Variants in TAF7L observed in about 807,000 individuals in gnomAD.
The protein encoded by TAF7L is TATA-box binding protein associated factor 7 like, also known as transcription initiation factor TFIID subunit 7-like.
A neutral mutation model predicts 30.2 loss-of-function variants in TAF7L; 6 were observed. The observed-to-expected ratio is 0.20, with a 90% CI of 0.11 to 0.39. The LOEUF is 0.39. Among genes scored for constraint, TAF7L ranks in the 10% least tolerant of loss-of-function variants. The pLI, the probability that TAF7L is intolerant of heterozygous loss-of-function variation, is 1.00. For synonymous variants in TAF7L, 93 were observed against 94.5 expected, an observed-to-expected ratio of 0.98 and a Z score of 0.09; for missense variants, 284 against 277.1, an observed-to-expected ratio of 1.03 and a Z score of -0.18.
chrX:101,281,607 T>C (rs907678088), intron 6 of TAF7L, 113 bp downstream of exon 6: 26 of 714,096 alleles, frequency 3.6e-5, no homozygotes, highest in East Asian at 3.2e-4. Context: ...TAAATGTTTA[T>C]TGAACATATA....
intron 5 of TAF7L, among the ~76,000 whole-genome samples, 164 bp from the exon 6 acceptor site, chrX:101,281,939 G>A (rs1157458900): frequency 2.0e-5 from 2 of 102,133 alleles, no homozygotes; most frequent in Non-Finnish European, 3.9e-5. Flanking sequence ...AGGCTGGAGT[G>A]CAGTGGTGCG....
At chrX:101,270,077 A>G (rs1923919211) in intron 12 of TAF7L, among the ~76,000 whole-genome samples, 2 of 111,641 alleles carry the variant, frequency 1.8e-5, no homozygotes, top group Non-Finnish European at 3.8e-5. Context: ...GCCCTGACCA[A>G]TCAGGAGCCT....
At chrX:101,292,154 G>A (rs1275604123), upstream of TAF7L, among the ~76,000 whole-genome samples, 11 of 100,029 alleles carry the variant, frequency 1.1e-4, no homozygotes, top group African/African-American at 4.1e-4. Flanking sequence ...CAGGAGAATG[G>A]CGTGAACCCG....
chrX:101,286,511 G>T, intron 3 of TAF7L, 64 bp downstream of exon 3: 1 of 828,760 alleles, frequency 1.2e-6, no homozygotes, highest in Non-Finnish European at 1.8e-6. Context: ...TACAGTGTAT[G>T]GCACATAGCA....
rs1464001915 is a variant in TAF7L, at chrX:101,277,663, G to A, written c.634C>T (p.Pro212Ser). The A allele has an allele frequency of 8.3e-7, 1 of 1,205,873 alleles. No individual in the cohort carries two copies. The highest frequency in any genetic ancestry group is 1.1e-6 in the Non-Finnish European group (1 of 893,665). ...ATTCCCGAGGATATCAAAAATCCTG[G>A]GATGGAGCCTTGACTTTCTATTTCC... ...TKEIESQGSI[P>S]GFLISSGMSS... Residue 212 changes from proline to serine, a missense_variant, in exon 9 of 13, where the codon CCA (proline) becomes TCA (serine). By Grantham distance (74) the Pro-to-Ser change is moderately conservative. Coordinates refer to ENST00000356784, the MANE Select transcript of TAF7L (RefSeq NM_001168474.2).
upstream of TAF7L, chrX:101,291,345 C>G (rs1004531242): frequency 6.8e-6 from 5 of 740,043 alleles, no homozygotes; most frequent in Non-Finnish European, 8.0e-6. Flanking sequence ...GCTGGGCTGC[C>G]GGCGCCTGGA....
intron 1 of TAF7L, among the ~76,000 whole-genome samples, chrX:101,289,380 T>A (rs1924722139): frequency 8.9e-6 from 1 of 112,237 alleles, no homozygotes; most frequent in African/African-American, 3.2e-5. Flanking sequence ...GACACACTGA[T>A]CTCAAGTTTT....
At chrX:101,271,051 TC>T (rs1252466895) in intron 12 of TAF7L, among the ~76,000 whole-genome samples, 1 of 111,368 alleles carries the variant, frequency 9.0e-6, no homozygotes, top group Non-Finnish European at 1.9e-5. Flanking sequence ...AATCTGTCAT[TC>T]CTTTAAGTCC....
At chrX:101,274,339 T>C (rs1039628236) in intron 12 of TAF7L, among the ~76,000 whole-genome samples, 3 of 109,561 alleles carry the variant, frequency 2.7e-5, no homozygotes, top group African/African-American at 1.0e-4. Flanking sequence ...CTTAGCGTCC[T>C]GAGTAGCTGA....
At chrX:101,292,942 A>G (rs1308439594), upstream of TAF7L, 3 of 1,211,125 alleles carry the variant, frequency 2.5e-6, no homozygotes, top group African/African-American at 1.7e-5. Context: ...CCCACGGTCG[A>G]CAAGAATTTG....
chrX:101,271,320 G>T (rs766528153), intron 12 of TAF7L, among the ~76,000 whole-genome samples: 1 of 111,264 alleles, frequency 9.0e-6, no homozygotes, highest in Admixed American at 9.6e-5. Flanking sequence ...TTGTCATGAC[G>T]CGAACATGAT....
chrX:101,288,933 A>T (rs1482572127), intron 1 of TAF7L, among the ~76,000 whole-genome samples: 1 of 110,924 alleles, frequency 9.0e-6, no homozygotes, highest in African/African-American at 3.3e-5. Context: ...CCAAATTTGG[A>T]AGTGGGAGAT....
intron 9 of TAF7L, among the ~76,000 whole-genome samples, 155 bp downstream of exon 9, chrX:101,277,451 C>CAAAAA (rs368056727): frequency 4.9e-5 from 2 of 40,415 alleles, no homozygotes; most frequent in Non-Finnish European, 8.4e-5. Context: ...GACTCCATCT[C>CAAAAA]AAAAAAAAAA....
At chrX:101,282,176 G>A (rs190224921) in intron 5 of TAF7L, 151 bp downstream of exon 5, 7 of 753,715 alleles carry the variant, frequency 9.3e-6, no homozygotes, top group East Asian at 3.5e-5. Context: ...GTGAGCCACC[G>A]CGCCCAGCTG....
In TAF7L at chrX:101,277,652, C is replaced by A. The variant is rs376330895; in HGVS notation, c.645G>T (p.Leu215Phe). 68 of 1,200,940 alleles carry A rather than the reference C, an allele frequency of 5.7e-5. No individual in the cohort carries two copies. The African/African-American group carries it at 1.0e-3, about 18-fold the overall frequency. Residue 215 changes from leucine to phenylalanine, a missense_variant, in exon 9 of 13, where the codon TTG becomes TTT. Physicochemically the swap from Leu to Phe is conservative, Grantham distance 22. Coordinates refer to ENST00000356784, the MANE Select transcript of TAF7L (RefSeq NM_001168474.2). ...TGTGGCTGCTCATTCCCGAGGATATCAAAAATCCTGGGATGGAGCCTTGAC... is the reference window on the plus strand; with the variant it reads ...TGTGGCTGCTCATTCCCGAGGATATAAAAAATCCTGGGATGGAGCCTTGAC... ...IESQGSIPGF[L>F]ISSGMSSHKQ...
chrX:101,288,160 A>G (rs1811955272), intron 1 of TAF7L, among the ~76,000 whole-genome samples: 1 of 105,889 alleles, frequency 9.4e-6, no homozygotes, highest in Non-Finnish European at 1.9e-5. Context: ...TTTTTTTTTC[A>G]AGACAGAGTC....
intron 3 of TAF7L, among the ~76,000 whole-genome samples, chrX:101,285,113 T>C (rs929395030): frequency 3.1e-4 from 34 of 111,355 alleles, no homozygotes; most frequent in African/African-American, 1.0e-3. Context: ...CAATTCCTTC[T>C]GTGAATATAT....
intron 1 of TAF7L, among the ~76,000 whole-genome samples, chrX:101,288,527 C>A (rs998130594): frequency 4.1e-5 from 4 of 97,448 alleles, no homozygotes; most frequent in Admixed American, 1.1e-4. Flanking sequence ...AACATAAAAT[C>A]TGATTTGATT....
intron 1 of TAF7L, among the ~76,000 whole-genome samples, chrX:101,288,455 C>CTT (rs58220003): frequency 0.17 from 15,565 of 94,050 alleles, 2,669 homozygotes; most frequent in African/African-American, 0.49. Context: ...GAATCCAGTT[C>CTT]TTTTTTTTTT....
Sources: gnomAD v4.1 joint callset for allele counts (sites outside exome capture counted in the v4.1 genomes callset) on GRCh38, gnomAD v4.1.1 for gene constraint, MANE v1.5 for transcripts, NCBI Gene and HGNC (gene_info 2026-07-23, HGNC 2026-07-21) for gene names.